Variants in ABHD2 observed in about 807,000 individuals in gnomAD.
The protein encoded by ABHD2 is monoacylglycerol lipase ABHD2.
Under a neutral mutation model 48.1 loss-of-function variants are expected in ABHD2, and 20 were observed. The observed-to-expected ratio is 0.42, with a 90% CI of 0.29 to 0.60. The LOEUF (loss-of-function observed/expected upper bound fraction) is 0.60, where lower values mean the gene tolerates loss of function less well. Ranked by LOEUF, ABHD2 falls within the 20% of genes least tolerant of loss-of-function variation. The pLI, the probability that ABHD2 is intolerant of heterozygous loss-of-function variation, is 0.24. For missense variants in ABHD2, 405 were observed against 550.9 expected, an observed-to-expected ratio of 0.74 and a Z score of 2.65; for synonymous variants, 209 against 214.2, an observed-to-expected ratio of 0.98 and a Z score of 0.21.
At chr15:89,107,877 C>G (rs948960470) in intron 1 of ABHD2, among the ~76,000 whole-genome samples, 2 of 152,174 alleles carry the variant, frequency 1.3e-5, no homozygotes, top group Non-Finnish European at 2.9e-5. Flanking sequence ...ATCTCCCCCT[C>G]CCCCAGCTGT....
intron 3 of ABHD2, chr15:89,135,743 G>C (rs1288393581): frequency 9.2e-7 from 1 of 1,085,790 alleles, no homozygotes; most frequent in East Asian, 2.4e-5. Context: ...CTTTTTATAA[G>C]GCTGCCTGTC....
chr15:89,148,698 A>G (rs1192641316), intron 3 of ABHD2, among the ~76,000 whole-genome samples: 3 of 152,214 alleles, frequency 2.0e-5, no homozygotes, highest in Admixed American at 1.3e-4. Flanking sequence ...CACCTTCTGT[A>G]AGCCCAGAGA....
intron 9 of ABHD2, among the ~76,000 whole-genome samples, chr15:89,191,483 A>G (rs909491763): frequency 1.8e-4 from 27 of 151,978 alleles, no homozygotes; most frequent in African/African-American, 6.5e-4. Flanking sequence ...ATTTCTTACC[A>G]TCCGGGACCC....
Position 89,173,325 on chromosome 15 carries a change from C to T in ABHD2, c.539-2487C>T, listed in dbSNP as rs562054111. On this transcript the variant is annotated intron_variant, in intron 5 of 10. Coordinates refer to ENST00000352732, the MANE Select transcript of ABHD2 (RefSeq NM_152924.5). This position sits in a 1 kb window ranked among gnomAD's most constrained non-coding sequence, Gnocchi z 6.5. ...CAGTGGCTCATGCCTGTAATCCCAG[C>T]ACTTTGGGAGGCGGAGGCAGGCAGA... Among the ~76,000 whole-genome samples, 1 of 152,308 alleles carries T rather than the reference C, an allele frequency of 6.6e-6. No individual in the cohort carries two copies. The highest frequency in any genetic ancestry group is 1.9e-4 in the East Asian group (1 of 5,186).
Position 89,199,136 on chromosome 15 carries a change from G to A in ABHD2, c.*3713G>A, listed in dbSNP as rs986247892. 3 of 151,830 alleles carry A rather than the reference G, an allele frequency of 2.0e-5. No individual in the cohort carries two copies. Among genetic ancestry groups the A allele is most frequent in the African/African-American group, 7.3e-5 (3 of 41,316 alleles). The allele number at this position is 151,830 out of a possible 1,614,324, so 9.4% of individuals were successfully genotyped here. A position where few individuals can be genotyped will look rare whatever the true frequency, so the allele number is the denominator to read the frequency against. ...AGCTGAGCTTATATGCCCGGCATCT[G>A]AATGAGAGCTCTCTTTGTAACTGTG... On this transcript the variant is annotated 3_prime_UTR_variant, in exon 11 of 11. Transcript: ENST00000352732. This position sits in a 1 kb window ranked among gnomAD's most constrained non-coding sequence, Gnocchi z 4.1.
upstream of ABHD2, among the ~76,000 whole-genome samples, chr15:89,084,048 T>G (rs1181201329): frequency 2.6e-5 from 4 of 152,166 alleles, no homozygotes. The surrounding 1 kb of genome is among the most constrained non-coding windows in gnomAD (Gnocchi z 4.4). Context: ...AGGCTGCAGC[T>G]TTTACTATTA....
At chr15:89,054,611 A>G in the ABHD2 span, among the ~76,000 whole-genome samples, 1 of 151,900 alleles carries the variant, frequency 6.6e-6, no homozygotes, top group African/African-American at 2.4e-5. Context: ...AACCCAGCAG[A>G]GGAGGATGCA....
At position 89,104,571 on chromosome 15, in the gene ABHD2, G is replaced by A. The variant is rs1278815606; in HGVS notation, c.-106-9154G>A. Among the ~76,000 whole-genome samples, 5 of 152,198 alleles carry A rather than the reference G, an allele frequency of 3.3e-5. No homozygotes were observed. Among genetic ancestry groups the A allele is most frequent in the Non-Finnish European group, 4.4e-5 (3 of 68,038 alleles). On this transcript the variant is annotated intron_variant, in intron 1 of 10. Transcript: ENST00000352732. This position sits in a 1 kb window ranked among gnomAD's most constrained non-coding sequence, Gnocchi z 4.4. ...CCAGTCGGCGTTGGGAAACCAGAAC[G>A]CTCAGGAACGGTGAGTCCCAGTTAT... is the stretch of plus-strand genomic sequence containing the variant.
At chr15:89,119,834 T>C (rs2050019531) in intron 3 of ABHD2, among the ~76,000 whole-genome samples, 1 of 152,164 alleles carries the variant, frequency 6.6e-6, no homozygotes, top group Admixed American at 6.5e-5. Flanking sequence ...CAACCTCCCA[T>C]GTGTTGAAAG....
At position 89,160,666 on chromosome 15, in the gene ABHD2, G is replaced by A. The variant is rs60746758; in HGVS notation, c.538+5132G>A. Among the ~76,000 whole-genome samples, 662 of 152,256 alleles carry A rather than the reference G, an allele frequency of 4.3e-3. 7 individuals are homozygous for A. The highest frequency in any genetic ancestry group is 0.015 in the African/African-American group (625 of 41,550). On this transcript the variant is annotated intron_variant, in intron 5 of 10. Coordinates refer to ENST00000352732, the MANE Select transcript of ABHD2 (RefSeq NM_152924.5). ...TATCCATCCATTATGGCTTAGCTGAGGGGCCTCTGTGTCTCCATCATTATG... is the reference window on the plus strand; with the variant it reads ...TATCCATCCATTATGGCTTAGCTGAAGGGCCTCTGTGTCTCCATCATTATG...
chr15:89,088,609 C>T lies in ABHD2; in HGVS notation c.-107+46C>T, dbSNP rs563908316. 3.3e-5 allele frequency: 5 copies of T among 152,468 alleles called. No individual in the cohort carries two copies. Among genetic ancestry groups the T allele is most frequent in the African/African-American group, 1.2e-4 (5 of 41,590 alleles). 9.4% of individuals were successfully genotyped at this position (152,468 alleles called of 1,614,324 possible). A position where few individuals can be genotyped will look rare whatever the true frequency, so the allele number is the denominator to read the frequency against. On this transcript the variant is annotated intron_variant, in intron 1 of 10. Transcript: ENST00000352732. This position sits in a 1 kb window ranked among gnomAD's most constrained non-coding sequence, Gnocchi z 6.8. ...GCTCCGCGGAGCGGGGATCGCACCC[C>T]GGACCCGTCGAACCGAATCTCCGAG... is the stretch of plus-strand genomic sequence containing the variant.
chr15:89,069,122 C>CTTTTTTTTTTTT, the ABHD2 span, among the ~76,000 whole-genome samples: 2 of 124,898 alleles, frequency 1.6e-5, no homozygotes, highest in African/African-American at 3.2e-5. Context: ...CTTTTCTTTT[C>CTTTTTTTTTTTT]TTTTTTTTTT....
At chr15:89,115,454 T>C (rs2049944265) in intron 2 of ABHD2, among the ~76,000 whole-genome samples, 2 of 147,220 alleles carry the variant, frequency 1.4e-5, no homozygotes, top group Admixed American at 1.4e-4. Context: ...GTAAAGTTAC[T>C]TCAAAAGAGA....
Position 89,116,165 on chromosome 15 carries a change from G to A in ABHD2, c.-6-157G>A. 6.6e-6 allele frequency among the ~76,000 whole-genome samples: 1 copy of A among 152,196 alleles called. No homozygotes were observed. The highest frequency in any genetic ancestry group is 1.5e-5 in the Non-Finnish European group (1 of 68,030). ...GCCAGTTGATTAGTAGCTGTAAGATGCTGGTGGTGTCTGCCTGTCAGGAGC... is the reference window on the plus strand; with the variant it reads ...GCCAGTTGATTAGTAGCTGTAAGATACTGGTGGTGTCTGCCTGTCAGGAGC... On this transcript the variant is annotated intron_variant, in intron 2 of 10. Transcript: ENST00000352732. This position sits in a 1 kb window ranked among gnomAD's most constrained non-coding sequence, Gnocchi z 4.6.
chr15:89,127,860 C>G (rs2050160831), intron 3 of ABHD2, among the ~76,000 whole-genome samples: 1 of 151,956 alleles, frequency 6.6e-6, no homozygotes, highest in African/African-American at 2.4e-5. Context: ...TCTCACATTT[C>G]CACCTTCTCT....
At chr15:89,126,988 G>A (rs2050139683) in intron 3 of ABHD2, among the ~76,000 whole-genome samples, 1 of 152,102 alleles carries the variant, frequency 6.6e-6, no homozygotes, top group Non-Finnish European at 1.5e-5. Flanking sequence ...TAATACAGAA[G>A]GCTGTAGTCC....
intron 1 of ABHD2, among the ~76,000 whole-genome samples, chr15:89,089,045 C>A (rs1034689025): frequency 6.6e-5 from 10 of 152,260 alleles, no homozygotes; most frequent in African/African-American, 2.4e-4. Context: ...TCTAGAAAGG[C>A]AGCTTTTGAC....
Position 89,176,595 on chromosome 15 carries a change from G to A in ABHD2, c.722+600G>A, listed in dbSNP as rs1354440401. ...CCCACAGGATGAGTCCCAGGAGGGCGTGGTCATCTGCCCCGATTCCCCTGA... is the reference window on the plus strand; with the variant it reads ...CCCACAGGATGAGTCCCAGGAGGGCATGGTCATCTGCCCCGATTCCCCTGA... On this transcript the variant is annotated intron_variant, in intron 6 of 10. Coordinates refer to ENST00000352732, the MANE Select transcript of ABHD2 (RefSeq NM_152924.5). The surrounding 1 kb of genome is among the most constrained non-coding windows in gnomAD (Gnocchi z 4.5). Among the ~76,000 whole-genome samples the A allele has an allele frequency of 1.3e-5, 2 of 152,142 alleles. No homozygotes were observed. The highest frequency in any genetic ancestry group is 2.9e-5 in the Non-Finnish European group (2 of 68,020).
At chr15:89,071,468 G>A in the ABHD2 span, among the ~76,000 whole-genome samples, 1 of 152,134 alleles carries the variant, frequency 6.6e-6, no homozygotes, top group African/African-American at 2.4e-5. Flanking sequence ...TTACATACAG[G>A]GGAGAGTCTC....
Sources: allele counts gnomAD v4.1 joint callset (sites outside exome capture counted in the v4.1 genomes callset), GRCh38; gene constraint gnomAD v4.1.1; non-coding constraint Gnocchi (gnomAD v3.1); transcripts MANE v1.5; gene names NCBI Gene and HGNC (gene_info 2026-07-23, HGNC 2026-07-21).